CNTN3: variants seen among roughly 807,000 people sequenced by gnomAD.
The protein encoded by CNTN3 is contactin-3.
In CNTN3, 60 loss-of-function variants were observed where a neutral mutation model predicts 119.1. The observed-to-expected ratio is 0.50, with a 90% CI of 0.41 to 0.62. The LOEUF is 0.62. Ranked by LOEUF, CNTN3 falls within the 20% of genes least tolerant of loss-of-function variation. The probability of loss-of-function intolerance (pLI) is 0.00; values close to 1 mark genes in which losing one functional copy is unlikely to be tolerated. For missense variants in CNTN3, 1,101 were observed against 1,242.4 expected (o/e 0.89, Z 1.71); for synonymous variants, 450 against 438.7 (o/e 1.03, Z -0.32).
intron 20 of CNTN3, among the ~76,000 whole-genome samples, chr3:74,275,693 TA>T (rs60218648): frequency 0.011 from 1,670 of 148,390 alleles, 26 homozygotes; most frequent in African/African-American, 0.031. Context: ...AAAGGACCTA[TA>T]AAAAAAAAAT....
At chr3:74,279,543 G>A (rs1701953380) in intron 20 of CNTN3, among the ~76,000 whole-genome samples, 1 of 151,974 alleles carries the variant, frequency 6.6e-6, no homozygotes, top group Non-Finnish European at 1.5e-5. Flanking sequence ...CTCAGGAATG[G>A]AAAACCAAAC....
chr3:74,559,831 G>A (rs7428744), intron 1 of CNTN3, among the ~76,000 whole-genome samples: 150,388 of 152,260 alleles, frequency 0.99, 74,280 homozygotes, highest in Middle Eastern at 1. Context: ...TTCTCAAAGT[G>A]TATTTCAGTG....
chr3:74,492,185 A>G (rs1053275159), intron 3 of CNTN3, among the ~76,000 whole-genome samples: 2 of 152,210 alleles, frequency 1.3e-5, no homozygotes, highest in African/African-American at 4.8e-5. Context: ...TAGAATCACA[A>G]GTGAGAAATG....
chr3:74,337,947 G>A (rs1393074742), intron 11 of CNTN3, among the ~76,000 whole-genome samples: 1 of 151,840 alleles, frequency 6.6e-6, no homozygotes, highest in African/African-American at 2.4e-5. Flanking sequence ...AATGAGATGG[G>A]ATTAACCTGT....
intron 2 of CNTN3, among the ~76,000 whole-genome samples, chr3:74,501,050 C>T (rs1703158219): frequency 6.6e-6 from 1 of 151,754 alleles, no homozygotes; most frequent in South Asian, 2.1e-4. Flanking sequence ...TTGGCCTTAC[C>T]CTAGGTCTGA....
intron 1 of CNTN3, among the ~76,000 whole-genome samples, chr3:74,612,160 A>G (rs1021399991): frequency 6.6e-6 from 1 of 152,202 alleles, no homozygotes; most frequent in Admixed American, 6.5e-5. Context: ...AAGCTGGAAG[A>G]TGTGTACTGA....
chr3:74,601,751 G>GT (rs535665708), intron 1 of CNTN3, among the ~76,000 whole-genome samples: 3 of 152,058 alleles, frequency 2.0e-5, no homozygotes, highest in Non-Finnish European at 4.4e-5. Flanking sequence ...GTTTGGCCAT[G>GT]TTTTTTTGTT....
chr3:74,365,846 T>C (rs1226453122), intron 8 of CNTN3, 144 bp from the exon 9 acceptor site: 11 of 933,898 alleles, frequency 1.2e-5, no homozygotes, highest in African/African-American at 3.4e-5. Flanking sequence ...AGGCTAGAAT[T>C]ATATTTTATT....
intron 2 of CNTN3, among the ~76,000 whole-genome samples, chr3:74,510,946 G>GT (rs1703353103): frequency 6.6e-6 from 1 of 151,718 alleles, no homozygotes; most frequent in Non-Finnish European, 1.5e-5. Context: ...GGGCTAGTTT[G>GT]TTTTTTTCAA....
intron 17 of CNTN3, among the ~76,000 whole-genome samples, 192 bp from the exon 18 acceptor site, chr3:74,298,383 T>A (rs1376082668): frequency 2.6e-5 from 4 of 152,194 alleles, no homozygotes; most frequent in African/African-American, 9.7e-5. Context: ...CAGACATATG[T>A]CACCATTTCA....
intron 5 of CNTN3, among the ~76,000 whole-genome samples, chr3:74,422,460 G>C (rs975589984): frequency 6.6e-6 from 1 of 152,178 alleles, no homozygotes; most frequent in Non-Finnish European, 1.5e-5. Flanking sequence ...CAAAGGCAGA[G>C]AAAAATCAGG....
chr3:74,588,424 A>T (rs1470828540), intron 1 of CNTN3, among the ~76,000 whole-genome samples: 1 of 152,066 alleles, frequency 6.6e-6, no homozygotes, highest in Non-Finnish European at 1.5e-5. Context: ...CTTCAAGGAG[A>T]ACTACAAACC....
intron 13 of CNTN3, among the ~76,000 whole-genome samples, chr3:74,311,310 TAAAG>T (rs1702680102): frequency 6.6e-6 from 1 of 152,068 alleles, no homozygotes; most frequent in Admixed American, 6.5e-5. Flanking sequence ...TTGAAAAAGA[TAAAG>T]AAGGAAAGAC....
intron 1 of CNTN3, among the ~76,000 whole-genome samples, chr3:74,598,803 G>A (rs191774535): frequency 6.6e-6 from 1 of 152,094 alleles, no homozygotes; most frequent in African/African-American, 2.4e-5. Flanking sequence ...TGTATGAAAT[G>A]TCTAGTAAGA....
chr3:74,590,178 T>G (rs1704677268), intron 1 of CNTN3, among the ~76,000 whole-genome samples: 1 of 151,736 alleles, frequency 6.6e-6, no homozygotes, highest in South Asian at 2.1e-4. Flanking sequence ...TCCACTCAGT[T>G]ACATCTATCC....
chr3:74,463,006 G>A (rs773778255), intron 4 of CNTN3, among the ~76,000 whole-genome samples: 4 of 152,062 alleles, frequency 2.6e-5, no homozygotes, highest in Non-Finnish European at 5.9e-5. Context: ...ACTATGGGTC[G>A]ATTAAGGGCA....
At position 74,383,480 on chromosome 3, in the gene CNTN3, T is replaced by C. The variant is rs371185404; in HGVS notation, c.455-12081A>G. Among the ~76,000 whole-genome samples, 29 of 152,202 alleles carry C rather than the reference T, an allele frequency of 1.9e-4. 1 individual carries two copies. In the South Asian group the frequency reaches 5.0e-3, roughly 26 times the overall value. ...ATTTCAGGGCTATGCAGATCTCAGATTTTTTTCTTTTCTTTTGTTTTTTGA... is the reference window on the plus strand; with the variant it reads ...ATTTCAGGGCTATGCAGATCTCAGACTTTTTTCTTTTCTTTTGTTTTTTGA... On this transcript the variant is annotated intron_variant, in intron 5 of 22. Transcript: ENST00000263665.
At chr3:74,495,693 T>C (rs1703049136) in intron 3 of CNTN3, among the ~76,000 whole-genome samples, 1 of 152,062 alleles carries the variant, frequency 6.6e-6, no homozygotes, top group Non-Finnish European at 1.5e-5. Flanking sequence ...TATCAGTAAA[T>C]TAAATGCATT....
At chr3:74,463,771 A>G (rs375954147) in intron 4 of CNTN3, among the ~76,000 whole-genome samples, 3 of 152,094 alleles carry the variant, frequency 2.0e-5, no homozygotes, top group East Asian at 3.9e-4. Flanking sequence ...CAAACCCTTC[A>G]CTTCCTCTCT....
Sources: gnomAD v4.1 joint callset for allele counts (sites outside exome capture counted in the v4.1 genomes callset) on GRCh38, gnomAD v4.1.1 for gene constraint, MANE v1.5 for transcripts, NCBI Gene and HGNC (gene_info 2026-07-23, HGNC 2026-07-21) for gene names.